The following KAT7 variants were observed in gnomAD, a reference collection of about 807,000 sequenced individuals.
The protein encoded by KAT7 is lysine acetyltransferase 7, also known as histone acetyltransferase KAT7.
Under a neutral mutation model 82.1 loss-of-function variants are expected in KAT7, and 10 were observed. The ratio of observed to expected loss-of-function variants is 0.12; its 90% CI spans 0.08 to 0.21. The LOEUF (loss-of-function observed/expected upper bound fraction) is 0.21, where lower values mean the gene tolerates loss of function less well. Among genes scored for constraint, KAT7 ranks in the 10% least tolerant of loss-of-function variants. The pLI is 1.00. For synonymous variants in KAT7, 250 were observed against 262.5 expected (o/e 0.95, Z 0.46); for missense variants, 378 against 760.9 (o/e 0.50, Z 5.92).
chr17:49,794,627 G>A (rs1734786748), intron 2 of KAT7, among the ~76,000 whole-genome samples: 1 of 152,246 alleles, frequency 6.6e-6, no homozygotes. Flanking sequence ...GAATTTACAA[G>A]TTGAAAGATG....
chr17:49,827,780 C>T lies in KAT7; in HGVS notation c.*278C>T. On this transcript the variant is annotated 3_prime_UTR_variant, in exon 15 of 15. Transcript: ENST00000259021. ...TGACCCAAGGAGTTCTGTTATGGTACTGTACCTGTCCAGTCACTGGTTCTC... is the reference window on the plus strand; with the variant it reads ...TGACCCAAGGAGTTCTGTTATGGTATTGTACCTGTCCAGTCACTGGTTCTC... 1 of 419,452 alleles carries T rather than the reference C, an allele frequency of 2.4e-6. No homozygotes were observed. The highest frequency in any genetic ancestry group is 4.2e-5 in the South Asian group (1 of 23,628). The allele number at this position is 419,452 out of a possible 1,614,324, so 26.0% of individuals were successfully genotyped here.
intron 4 of KAT7, among the ~76,000 whole-genome samples, chr17:49,800,615 T>C (rs1389963013): frequency 6.6e-6 from 1 of 152,162 alleles, no homozygotes; most frequent in African/African-American, 2.4e-5. Context: ...TTATGTACTA[T>C]ATTTGGTCAT....
chr17:49,789,053 C>T (rs1481043341), intron 1 of KAT7: 10 of 426,788 alleles, frequency 2.3e-5, no homozygotes, highest in Admixed American at 8.8e-5. Flanking sequence ...TATTCCCGCC[C>T]TCTGCTTGCC....
intron 9 of KAT7, among the ~76,000 whole-genome samples, chr17:49,818,652 T>C (rs1051371015): frequency 6.6e-6 from 1 of 152,210 alleles, no homozygotes; most frequent in African/African-American, 2.4e-5. Flanking sequence ...GAATAAGCTT[T>C]GTCTTAAGGG....
intron 4 of KAT7, among the ~76,000 whole-genome samples, chr17:49,803,906 T>TA (rs976431657): frequency 1.3e-5 from 2 of 151,850 alleles, no homozygotes; most frequent in African/African-American, 4.8e-5. Context: ...TTTTTTTTTT[T>TA]ATGAAAGATG....
chr17:49,811,380 T>A (rs1000240913), intron 6 of KAT7, 96 bp from the exon 7 acceptor site: 9 of 555,944 alleles, frequency 1.6e-5, no homozygotes, highest in Non-Finnish European at 2.8e-5. Flanking sequence ...GTGCTGAGAT[T>A]ACAGGCGTGA....
chr17:49,827,741 A>G lies in KAT7; in HGVS notation c.*239A>G. ...TGGGATCTGTATTAGACTTGAGTGC[A>G]GGTCTCTCAGCACTGACCCAAGGAG... On this transcript the variant is annotated 3_prime_UTR_variant, in exon 15 of 15. Coordinates refer to ENST00000259021, the MANE Select transcript of KAT7 (RefSeq NM_007067.5). 1 of 544,708 alleles carries G rather than the reference A, an allele frequency of 1.8e-6. No homozygotes were observed. The highest frequency in any genetic ancestry group is 3.3e-6 in the Non-Finnish European group (1 of 304,370). 33.7% of individuals were successfully genotyped at this position (544,708 alleles called of 1,614,324 possible). A position where few individuals can be genotyped will look rare whatever the true frequency, so the allele number is the denominator to read the frequency against.
At position 49,788,710 on chromosome 17, in the gene KAT7, A is replaced by G; in HGVS notation, c.-125A>G. On this transcript the variant is annotated 5_prime_UTR_variant, in exon 1 of 15. Coordinates refer to ENST00000259021, the MANE Select transcript of KAT7 (RefSeq NM_007067.5). ...AACGCTCCAGACGCTGAGAGGCAGG[A>G]GGCACTAGGGATCGTCCGCAGGATT... 9.8e-7 allele frequency: 1 copy of G among 1,023,510 alleles called. No individual in the cohort carries two copies. 63.4% of individuals were successfully genotyped at this position (1,023,510 alleles called of 1,614,324 possible).
At chr17:49,797,090 G>C (rs1399018919) in intron 3 of KAT7, among the ~76,000 whole-genome samples, 164 bp downstream of exon 3, 2 of 150,326 alleles carry the variant, frequency 1.3e-5, no homozygotes, top group South Asian at 4.2e-4. Flanking sequence ...TTGAGACGGA[G>C]TCTCGCTCTA....
At chr17:49,825,965 G>T in intron 12 of KAT7, 35 bp from the exon 13 acceptor site, 1 of 1,589,348 alleles carries the variant, frequency 6.3e-7, no homozygotes, top group Non-Finnish European at 8.6e-7. Context: ...AAGATCGAGT[G>T]TTGCTAGAAA....
rs2074400796 is a variant in KAT7, at chr17:49,829,033, C to T, written c.*1531C>T. ...GGCCTTTTACAGAAGCTAAACCCTTCCCCACATGTGGTAGAATGTGCTCTT... is the reference window on the plus strand; with the variant it reads ...GGCCTTTTACAGAAGCTAAACCCTTTCCCACATGTGGTAGAATGTGCTCTT... On this transcript the variant is annotated 3_prime_UTR_variant, in exon 15 of 15. Transcript: ENST00000259021. 1 of 152,628 alleles carries T rather than the reference C, an allele frequency of 6.6e-6. No individual in the cohort carries two copies. Among genetic ancestry groups the T allele is most frequent in the Admixed American group, 6.5e-5 (1 of 15,272 alleles). 9.5% of individuals were successfully genotyped at this position (152,628 alleles called of 1,614,324 possible).
At chr17:49,816,137 G>T (rs2074231086) in intron 8 of KAT7, among the ~76,000 whole-genome samples, 1 of 151,852 alleles carries the variant, frequency 6.6e-6, no homozygotes, top group Non-Finnish European at 1.5e-5. Flanking sequence ...TTCCACCTCG[G>T]CTCCCGGAAG....
chr17:49,823,179 C>T (rs886529920), intron 11 of KAT7, 23 bp from the exon 12 acceptor site: 2 of 1,306,388 alleles, frequency 1.5e-6, no homozygotes, highest in African/African-American at 2.9e-5. Flanking sequence ...ATGACGTGTT[C>T]ATCTGTTTGC....
At chr17:49,790,615 T>C (rs1474603366) in intron 1 of KAT7, among the ~76,000 whole-genome samples, 1 of 152,240 alleles carries the variant, frequency 6.6e-6, no homozygotes, top group African/African-American at 2.4e-5. Context: ...TGTACATTTT[T>C]TTAGTAACCT....
intron 4 of KAT7, among the ~76,000 whole-genome samples, chr17:49,799,840 T>G (rs886375252): frequency 1.3e-5 from 2 of 151,732 alleles, no homozygotes; most frequent in East Asian, 1.9e-4. Flanking sequence ...TTTTTTTTTT[T>G]TCTTGTTTTT....
intron 1 of KAT7, chr17:49,789,326 C>G (rs1224152563): frequency 6.5e-6 from 1 of 154,720 alleles, no homozygotes; most frequent in Non-Finnish European, 1.4e-5. Context: ...CGAGCGGGGA[C>G]GCTGATAGGT....
Position 49,830,190 on chromosome 17 carries a change from T to C in KAT7, c.*2688T>C, listed in dbSNP as rs1322417596. ...ACTGCACCCGACCTATTTTTTTTTTTTTTTTTTTTTTTTTTTTTAAAAAAA... is the reference window on the plus strand; with the variant it reads ...ACTGCACCCGACCTATTTTTTTTTTCTTTTTTTTTTTTTTTTTTAAAAAAA... On this transcript the variant is annotated 3_prime_UTR_variant, in exon 15 of 15. Transcript: ENST00000259021. 2.2e-5 allele frequency: 3 copies of C among 135,380 alleles called. No individual in the cohort carries two copies. Among genetic ancestry groups the C allele is most frequent in the Non-Finnish European group, 4.6e-5 (3 of 65,470 alleles). The allele number at this position is 135,380 out of a possible 1,614,324, so 8.4% of individuals were successfully genotyped here.
Position 49,826,861 on chromosome 17 carries a change from G to C in KAT7, c.1734+62G>C, listed in dbSNP as rs1324271379. ...GTCCTTCAAGACTTAGCAGAGCAAA[G>C]TATGGGCCTTAAGACTGGAGAACCT... On this transcript the variant is annotated intron_variant, in intron 14 of 14. Coordinates refer to ENST00000259021, the MANE Select transcript of KAT7 (RefSeq NM_007067.5). The C allele has an allele frequency of 8.2e-6, 9 of 1,094,760 alleles. No individual in the cohort carries two copies. In the East Asian group the frequency reaches 1.2e-4, roughly 15 times the overall value. 67.8% of individuals were successfully genotyped at this position (1,094,760 alleles called of 1,614,324 possible).
Position 49,823,120 on chromosome 17 carries a change from C to G in KAT7, c.1387-82C>G, listed in dbSNP as rs1253148041. Reference sequence around the variant, plus strand: ...GGTTAGCCAGATGTTTTGCAAGCAGCCTTATTTTGCATCTGTGGAAGTGCT... The same window carrying G: ...GGTTAGCCAGATGTTTTGCAAGCAGGCTTATTTTGCATCTGTGGAAGTGCT... On this transcript the variant is annotated intron_variant, in intron 11 of 14. Transcript: ENST00000259021. The G allele has an allele frequency of 3.8e-6, 3 of 792,906 alleles. No individual in the cohort carries two copies. In the East Asian group the frequency reaches 7.4e-5, roughly 19 times the overall value. The allele number at this position is 792,906 out of a possible 1,614,324, so 49.1% of individuals were successfully genotyped here. A position where few individuals can be genotyped will look rare whatever the true frequency, so the allele number is the denominator to read the frequency against.
Sources: allele counts gnomAD v4.1 joint callset (sites outside exome capture counted in the v4.1 genomes callset), GRCh38; gene constraint gnomAD v4.1.1; transcripts MANE v1.5; gene names NCBI Gene and HGNC (gene_info 2026-07-23, HGNC 2026-07-21).